FAXDC2: variants seen among roughly 807,000 people sequenced by gnomAD.
The protein encoded by FAXDC2 is fatty acid hydroxylase domain containing 2, also known as fatty acid hydroxylase domain-containing protein 2.
In FAXDC2, 41 loss-of-function variants were observed where a neutral mutation model predicts 40.9. That is an observed-to-expected ratio of 1.00 (90% confidence interval 0.78 to 1.30). The LOEUF is 1.30. FAXDC2 is among the 50% of genes most tolerant of loss of function. FAXDC2 has a pLI of 0.00. For synonymous variants in FAXDC2, 157 were observed against 149.3 expected (o/e 1.05, Z -0.38); for missense variants, 390 against 408.8 (o/e 0.95, Z 0.40).
At position 154,830,858 on chromosome 5, in the gene FAXDC2, T is replaced by G. The variant is rs771905140; in HGVS notation, c.309A>C (p.Thr103=). Residue 103 remains threonine (T), a synonymous_variant, in exon 5 of 9, where the codon ACA becomes ACC. Coordinates refer to ENST00000326080, the MANE Select transcript of FAXDC2 (RefSeq NM_032385.5). ...GAGAGATGAAGTTAGGTTTTCCTGT[T>G]GTGTCAACCACCAATAGAAGCCCAT... is the stretch of plus-strand genomic sequence containing the variant. ...SFNGLLLVVD[T]TGKPNFISRY... 3.5e-5 allele frequency: 56 copies of G among 1,614,084 alleles called. 1 individual carries two copies. The South Asian group carries it at 5.8e-4, about 17-fold the overall frequency.
At chr5:154,836,034 G>GCC (rs1760339066) in intron 2 of FAXDC2, 1 of 151,792 alleles carries the variant, frequency 6.6e-6, no homozygotes, top group Admixed American at 6.6e-5. Flanking sequence ...GGGATTACAG[G>GCC]CACCTGCCAC....
intron 1 of FAXDC2, among the ~76,000 whole-genome samples, chr5:154,844,939 C>T (rs909593784): frequency 1.2e-4 from 18 of 152,216 alleles, no homozygotes; most frequent in Non-Finnish European, 2.2e-4. Context: ...GCTCTACGTA[C>T]ACCTTCTGGC....
chr5:154,843,240 C>T (rs542992674), intron 1 of FAXDC2, among the ~76,000 whole-genome samples: 29 of 152,338 alleles, frequency 1.9e-4, no homozygotes, highest in African/African-American at 6.7e-4. Flanking sequence ...TGCCATGCCA[C>T]AGGGAACTTC....
chr5:154,835,052 C>T, intron 2 of FAXDC2, 118 bp from the exon 3 acceptor site: 5 of 675,038 alleles, frequency 7.4e-6, no homozygotes, highest in South Asian at 3.5e-5. Flanking sequence ...CAGGAAGGCA[C>T]ATCTGCGTTT....
chr5:154,848,437 C>T (rs1477427920), intron 1 of FAXDC2, among the ~76,000 whole-genome samples: 1 of 152,172 alleles, frequency 6.6e-6, no homozygotes, highest in Non-Finnish European at 1.5e-5. Context: ...AGAAATGACA[C>T]AGGGAGAGGG....
chr5:154,841,454 G>A (rs1760472629), intron 1 of FAXDC2, among the ~76,000 whole-genome samples: 1 of 152,138 alleles, frequency 6.6e-6, no homozygotes, highest in Non-Finnish European at 1.5e-5. Flanking sequence ...TGAGCTTCCA[G>A]AAGGACAGCT....
intron 6 of FAXDC2, 151 bp from the exon 7 acceptor site, chr5:154,822,728 C>G: frequency 3.1e-6 from 2 of 647,718 alleles, no homozygotes; most frequent in Admixed American, 2.5e-5. Flanking sequence ...AACCCCAGCC[C>G]TTATACTGCA....
chr5:154,830,675 G>C, intron 5 of FAXDC2, 126 bp downstream of exon 5: 2 of 1,068,208 alleles, frequency 1.9e-6, no homozygotes, highest in South Asian at 3.0e-5. Context: ...TAAACTGGGG[G>C]AGCCTTGTTG....
intron 5 of FAXDC2, among the ~76,000 whole-genome samples, chr5:154,826,078 C>T (rs1347417726): frequency 6.6e-6 from 1 of 151,986 alleles, no homozygotes; most frequent in Non-Finnish European, 1.5e-5. Context: ...AGCTGTCGGC[C>T]TATGGATGGT....
chr5:154,822,760 T>G (rs1759923070), intron 6 of FAXDC2, among the ~76,000 whole-genome samples, 183 bp from the exon 7 acceptor site: 1 of 152,216 alleles, frequency 6.6e-6, no homozygotes, highest in African/African-American at 2.4e-5. Context: ...TGGGTTGCTT[T>G]GCTTCTCTAT....
intron 1 of FAXDC2, among the ~76,000 whole-genome samples, chr5:154,849,861 C>A (rs1401238137): frequency 6.6e-6 from 1 of 152,206 alleles, no homozygotes. Flanking sequence ...TACTCAATAA[C>A]CTTCGTGGAG....
At chr5:154,823,272 C>T (rs1759932933) in intron 6 of FAXDC2, 115 bp downstream of exon 6, 1 of 945,598 alleles carries the variant, frequency 1.1e-6, no homozygotes, top group African/African-American at 1.6e-5. Context: ...CCTCAGCCTC[C>T]CAAATTGCCA....
chr5:154,822,604 C>G, intron 6 of FAXDC2, 27 bp from the exon 7 acceptor site: 2 of 1,554,432 alleles, frequency 1.3e-6, no homozygotes, highest in Non-Finnish European at 1.8e-6. Flanking sequence ...TAGTTAATAA[C>G]CTGCTGATTC....
intron 5 of FAXDC2, chr5:154,824,434 A>G: frequency 1.4e-6 from 1 of 701,716 alleles, no homozygotes. Flanking sequence ...CGACAGGTTC[A>G]GAATGGTCCC....
At chr5:154,828,408 G>C (rs2544862) in intron 5 of FAXDC2, among the ~76,000 whole-genome samples, 7,549 of 152,056 alleles carry the variant, frequency 0.05, 318 homozygotes, top group African/African-American at 0.12. Context: ...ATACAAGAAA[G>C]CAAAGAGAGA....
intron 5 of FAXDC2, among the ~76,000 whole-genome samples, chr5:154,826,569 AC>A (rs1760044670): frequency 6.6e-6 from 1 of 151,532 alleles, no homozygotes; most frequent in Non-Finnish European, 1.5e-5. Context: ...TTGAGGGGCT[AC>A]CTAGAGAGCA....
chr5:154,825,668 A>AAAAAAAAAAAAAAAAAAAAAT (rs70981954), intron 5 of FAXDC2, among the ~76,000 whole-genome samples: 1 of 143,430 alleles, frequency 7.0e-6, no homozygotes. Flanking sequence ...AAAAAAAAAA[A>AAAAAAAAAAAAAAAAAAAAAT]GCAGTAATAT....
At chr5:154,834,559 C>T (rs1760270360) in intron 4 of FAXDC2, 66 bp downstream of exon 4, 1 of 1,184,874 alleles carries the variant, frequency 8.4e-7, no homozygotes, top group African/African-American at 1.5e-5. Context: ...GAGAACAAAA[C>T]AACAAAAAGA....
intron 5 of FAXDC2, among the ~76,000 whole-genome samples, chr5:154,828,041 G>C (rs780022456): frequency 1.3e-5 from 2 of 151,730 alleles, no homozygotes; most frequent in Non-Finnish European, 2.9e-5. Context: ...GTAGAGATGG[G>C]ATCTCGTTCT....
Sources: allele counts gnomAD v4.1 joint callset (sites outside exome capture counted in the v4.1 genomes callset), GRCh38; gene constraint gnomAD v4.1.1; transcripts MANE v1.5; gene names NCBI Gene and HGNC (gene_info 2026-07-23, HGNC 2026-07-21).